ADGRL2: variants seen among roughly 807,000 people sequenced by gnomAD.
ADGRL2 encodes the protein calcium-independent alpha-latrotoxin receptor 2.
A neutral mutation model predicts 157.4 loss-of-function variants in ADGRL2; 44 were observed. That is an observed-to-expected ratio of 0.28 (90% confidence interval 0.22 to 0.36). The LOEUF is 0.36. ADGRL2 is among the 10% of genes least tolerant of loss of function. The probability of loss-of-function intolerance (pLI) is 1.00; values close to 1 mark genes in which losing one functional copy is unlikely to be tolerated. For missense variants in ADGRL2, 1,510 were observed against 1,768.9 expected (o/e 0.85, Z 2.63); for synonymous variants, 585 against 624.7 (o/e 0.94, Z 0.95).
chr1:81,741,796 A>C (rs1175602127), intron 1 of ADGRL2, among the ~76,000 whole-genome samples: 1 of 151,966 alleles, frequency 6.6e-6, no homozygotes, highest in Non-Finnish European at 1.5e-5. Context: ...TTGACTTTGA[A>C]ATCAAAGTAT....
chr1:81,855,168 G>A (rs1306316968), intron 2 of ADGRL2, among the ~76,000 whole-genome samples: 3 of 152,208 alleles, frequency 2.0e-5, no homozygotes, highest in African/African-American at 7.2e-5. Context: ...GCCAGGCACA[G>A]TGGCTCGTGC....
At chr1:81,601,273 T>C (rs1229514301) in intron 3 of ADGRL2, among the ~76,000 whole-genome samples, 6 of 152,212 alleles carry the variant, frequency 3.9e-5, no homozygotes, top group Non-Finnish European at 5.9e-5. Flanking sequence ...GAATATTAAC[T>C]TTGGTGAGTC....
chr1:81,914,147 A>G (rs1490620545), intron 3 of ADGRL2, among the ~76,000 whole-genome samples: 4 of 152,224 alleles, frequency 2.6e-5, no homozygotes, highest in Admixed American at 2.0e-4. Flanking sequence ...CGGCTTGTGT[A>G]TACTCTCGTT....
At chr1:81,319,847 C>T (rs1354853598) in intron 1 of ADGRL2, among the ~76,000 whole-genome samples, 2 of 152,148 alleles carry the variant, frequency 1.3e-5, no homozygotes, top group African/African-American at 2.4e-5. Flanking sequence ...TGGCTGCTGA[C>T]TTATCAGGAT....
At chr1:81,760,909 T>C (rs917142552) in intron 1 of ADGRL2, among the ~76,000 whole-genome samples, 4 of 151,932 alleles carry the variant, frequency 2.6e-5, no homozygotes, top group African/African-American at 7.2e-5. Context: ...AAATACAAAC[T>C]AATAATTTCC....
At chr1:81,410,505 G>A (rs1279542359) in intron 1 of ADGRL2, among the ~76,000 whole-genome samples, 2 of 152,162 alleles carry the variant, frequency 1.3e-5, no homozygotes, top group Non-Finnish European at 2.9e-5. Context: ...AAAGGAATTA[G>A]GTCAGACCAG....
chr1:81,644,668 A>G (rs1042669282), intron 3 of ADGRL2, among the ~76,000 whole-genome samples: 5 of 152,218 alleles, frequency 3.3e-5, no homozygotes, highest in African/African-American at 1.2e-4. Context: ...CATAGAAGGT[A>G]CAAAATCAAG....
chr1:81,378,566 T>TAAAAA (rs58850012), intron 1 of ADGRL2, among the ~76,000 whole-genome samples: 2 of 101,310 alleles, frequency 2.0e-5, no homozygotes, highest in African/African-American at 3.9e-5. Flanking sequence ...CCTTGTATCT[T>TAAAAA]AAAAAAAAAA....
intron 3 of ADGRL2, among the ~76,000 whole-genome samples, chr1:81,632,501 G>T (rs907974065): frequency 6.6e-6 from 1 of 152,172 alleles, no homozygotes; most frequent in Non-Finnish European, 1.5e-5. Context: ...GCTTATGCCT[G>T]TAATCCCAGC....
Position 81,652,933 on chromosome 1 carries a change from T to C in ADGRL2, c.-143+71953T>C, listed in dbSNP as rs545695206. ...TCTCCTTCCAGCTCTTTCTCATTTT[T>C]TTATCATTGCAATTTGTTAATTAAA... On this transcript the variant is annotated intron_variant, in intron 3 of 24. Transcript: ENST00000370721. Among the ~76,000 whole-genome samples, 60 of 152,286 alleles carry C rather than the reference T, an allele frequency of 3.9e-4. 1 individual carries two copies. The highest frequency in any genetic ancestry group is 1.4e-3 in the African/African-American group (59 of 41,564).
At chr1:81,609,340 C>T (rs753241991) in intron 3 of ADGRL2, among the ~76,000 whole-genome samples, 2 of 152,132 alleles carry the variant, frequency 1.3e-5, no homozygotes, top group African/African-American at 2.4e-5. Flanking sequence ...ACACCTGGCT[C>T]ATATACAAGT....
rs1158364261 is a variant in ADGRL2 at position 81,979,173 on chromosome 1, C to T, written c.3022-696C>T. ...TTTCCTTCTTGTCAGATTCCATCTT[C>T]CTCATTTTGCTTTTGTTTGCACCTA... On this transcript the variant is annotated intron_variant, in intron 17 of 23. Coordinates refer to ENST00000686636, the MANE Select transcript of ADGRL2 (RefSeq NM_001366006.2). Among the ~76,000 whole-genome samples, 4 of 151,708 alleles carry T rather than the reference C, an allele frequency of 2.6e-5. No individual in the cohort carries two copies. In the Admixed American group the frequency reaches 2.6e-4, roughly 10 times the overall value.
In ADGRL2 at chr1:81,943,813, G is replaced by A. The variant is rs554832016; in HGVS notation, c.1210+44G>A. 189 of 1,476,228 alleles carry A rather than the reference G, an allele frequency of 1.3e-4. 2 individuals are homozygous for A. The South Asian group carries it at 2.1e-3, about 16-fold the overall frequency. 91.4% of individuals were successfully genotyped at this position (1,476,228 alleles called of 1,614,324 possible). On this transcript the variant is annotated intron_variant, in intron 6 of 23. Transcript: ENST00000686636. This position sits in a 1 kb window ranked among gnomAD's most constrained non-coding sequence, Gnocchi z 5.6. ...TAATGCTTATGTCATTTTGTGAAAA[G>A]CATTTTTCTTTTTAAAGACTTCTTA...
At chr1:81,503,677 C>T (rs1457527015) in intron 2 of ADGRL2, among the ~76,000 whole-genome samples, 6 of 152,148 alleles carry the variant, frequency 3.9e-5, no homozygotes, top group Admixed American at 3.3e-4. Flanking sequence ...GGACAGACAG[C>T]GTTGTCCAAT....
At chr1:81,529,349 G>T (rs933970531) in intron 2 of ADGRL2, among the ~76,000 whole-genome samples, 1 of 152,190 alleles carries the variant, frequency 6.6e-6, no homozygotes, top group African/African-American at 2.4e-5. Flanking sequence ...AAGCATGAGA[G>T]GCAGGGGCCA....
chr1:81,725,743 C>G (rs1190296857), intron 1 of ADGRL2, among the ~76,000 whole-genome samples: 6 of 152,066 alleles, frequency 3.9e-5, no homozygotes, highest in Non-Finnish European at 8.8e-5. Flanking sequence ...AGTAAAATTC[C>G]TCTTCTGAAA....
intron 3 of ADGRL2, among the ~76,000 whole-genome samples, chr1:81,582,228 T>A (rs1025533907): frequency 3.9e-4 from 58 of 150,354 alleles, no homozygotes; most frequent in African/African-American, 1.3e-3. Context: ...TCAAAAAAAA[T>A]TTTTTTTTTA....
chr1:81,560,484 C>T (rs1055300842), intron 2 of ADGRL2, among the ~76,000 whole-genome samples: 1 of 152,126 alleles, frequency 6.6e-6, no homozygotes, highest in African/African-American at 2.4e-5. Flanking sequence ...CCACAGTCAG[C>T]GTCCAATAGG....
intron 2 of ADGRL2, among the ~76,000 whole-genome samples, chr1:81,456,397 TTTA>T (rs560087873): frequency 6.6e-6 from 1 of 151,926 alleles, no homozygotes; most frequent in Non-Finnish European, 1.5e-5. Context: ...TTTTTTAATT[TTTA>T]TTATTATTAT....
Sources: gnomAD v4.1 joint callset for allele counts (sites outside exome capture counted in the v4.1 genomes callset) on GRCh38, gnomAD v4.1.1 for gene constraint, Gnocchi (gnomAD v3.1) non-coding constraint, MANE v1.5 for transcripts, NCBI Gene and HGNC (gene_info 2026-07-23, HGNC 2026-07-21) for gene names.